The following AGBL4 variants were observed in gnomAD, a reference collection of about 807,000 sequenced individuals.
AGBL4 encodes AGBL carboxypeptidase 4, also known as cytosolic carboxypeptidase 6.
In AGBL4, 58 loss-of-function variants were observed where a neutral mutation model predicts 66.4. The observed-to-expected ratio is 0.87, with a 90% CI of 0.71 to 1.09. The LOEUF (loss-of-function observed/expected upper bound fraction) is 1.09, where lower values mean the gene tolerates loss of function less well. Among genes scored for constraint, AGBL4 ranks in the 50% least tolerant of loss-of-function variants. The probability of loss-of-function intolerance (pLI) is 0.00; values close to 1 mark genes in which losing one functional copy is unlikely to be tolerated. For missense variants in AGBL4, 579 were observed against 631.0 expected (o/e 0.92, Z 0.88); for synonymous variants, 234 against 222.9 (o/e 1.05, Z -0.44).
rs1436744631 is a variant in AGBL4, at chr1:48,847,055, C to G, written c.634+20136G>C. Among the ~76,000 whole-genome samples, 5 of 152,114 alleles carry G rather than the reference C, an allele frequency of 3.3e-5. 1 individual carries two copies. The East Asian group carries it at 9.6e-4, about 29-fold the overall frequency. ...GTGGCTCATGCCTGTAATCCCAGCA[C>G]TTCGGGAGGCCGAGGGGGGTGGATC... On this transcript the variant is annotated intron_variant, in intron 6 of 13. Transcript: ENST00000371839.
At chr1:48,881,598 G>A (rs1649790106) in intron 5 of AGBL4, among the ~76,000 whole-genome samples, 2 of 152,268 alleles carry the variant, frequency 1.3e-5, no homozygotes, top group Middle Eastern at 3.4e-3. Context: ...ATGGATTCTA[G>A]CTAAAGTTGG....
chr1:49,956,145 TTA>T (rs1656588254), intron 1 of AGBL4, among the ~76,000 whole-genome samples: 1 of 151,924 alleles, frequency 6.6e-6, no homozygotes, highest in African/African-American at 2.4e-5. Context: ...TATGTTTATT[TTA>T]TATGTTAAAA....
intron 6 of AGBL4, among the ~76,000 whole-genome samples, chr1:48,810,401 C>T (rs1384544401): frequency 1.3e-5 from 2 of 152,142 alleles, no homozygotes; most frequent in Non-Finnish European, 2.9e-5. Context: ...GATAAGGGAT[C>T]GGGTCCACTT....
intron 1 of AGBL4, among the ~76,000 whole-genome samples, chr1:49,950,950 G>C (rs1388805090): frequency 6.6e-6 from 1 of 151,806 alleles, no homozygotes; most frequent in Non-Finnish European, 1.5e-5. Flanking sequence ...GATGAACCTA[G>C]AGGACATTAT....
At position 49,288,640 on chromosome 1, in the gene AGBL4, T is replaced by C. The variant is rs200228648; in HGVS notation, c.283-42776A>G. ...AGTGGTACCTATGAGGTTAAAATGC[T>C]AAGTGGAGCTTTCAACAGTCTCAAA... On this transcript the variant is annotated intron_variant, in intron 3 of 13. Transcript: ENST00000371839. Among the ~76,000 whole-genome samples the C allele has an allele frequency of 2.0e-5, 3 of 152,304 alleles. No homozygotes were observed. In the East Asian group the frequency reaches 5.8e-4, roughly 29 times the overall value.
At chr1:48,719,767 C>T (rs367938591) in intron 6 of AGBL4, among the ~76,000 whole-genome samples, 17 of 152,314 alleles carry the variant, frequency 1.1e-4, no homozygotes, top group East Asian at 3.9e-4. Context: ...TTAATGCTCA[C>T]AGAAACATGA....
intron 6 of AGBL4, among the ~76,000 whole-genome samples, chr1:48,730,617 A>G (rs1409346137): frequency 6.6e-6 from 1 of 152,182 alleles, no homozygotes; most frequent in Non-Finnish European, 1.5e-5. Flanking sequence ...AGGAGCCCCC[A>G]TAGAATTTCA....
chr1:49,504,306 C>A (rs11583504), intron 3 of AGBL4, among the ~76,000 whole-genome samples: 4 of 151,976 alleles, frequency 2.6e-5, no homozygotes, highest in Middle Eastern at 3.4e-3. Flanking sequence ...AACCTCTTTC[C>A]TTTCTAAATT....
intron 6 of AGBL4, among the ~76,000 whole-genome samples, chr1:48,741,788 A>G (rs1649950726): frequency 6.6e-6 from 1 of 152,212 alleles, no homozygotes; most frequent in Non-Finnish European, 1.5e-5. Flanking sequence ...GTTAAGGAGA[A>G]CGAGAGGCGA....
At chr1:49,817,616 C>T (rs1422597051) in intron 2 of AGBL4, among the ~76,000 whole-genome samples, 1 of 152,106 alleles carries the variant, frequency 6.6e-6, no homozygotes, top group African/African-American at 2.4e-5. Context: ...CTTTTGGATA[C>T]ACAAATCTGA....
At chr1:48,587,728 C>T (rs1053413173) in intron 10 of AGBL4, among the ~76,000 whole-genome samples, 27 of 151,686 alleles carry the variant, frequency 1.8e-4, no homozygotes, top group Non-Finnish European at 3.2e-4. Context: ...CTGCAAGCTC[C>T]GTCTCCCTGG....
intron 3 of AGBL4, among the ~76,000 whole-genome samples, chr1:49,249,967 C>A (rs1296490072): frequency 6.6e-6 from 1 of 152,088 alleles, no homozygotes; most frequent in Admixed American, 6.6e-5. Flanking sequence ...TGAAACAATC[C>A]AGGCATAGAA....
chr1:49,827,640 A>G (rs950351540), intron 2 of AGBL4, among the ~76,000 whole-genome samples: 6 of 152,196 alleles, frequency 3.9e-5, no homozygotes, highest in African/African-American at 1.4e-4. Flanking sequence ...GTACATTGCT[A>G]CCAATTAAGT....
intron 3 of AGBL4, among the ~76,000 whole-genome samples, chr1:49,465,959 G>C (rs1646621196): frequency 6.6e-6 from 1 of 151,804 alleles, no homozygotes; most frequent in Non-Finnish European, 1.5e-5. Flanking sequence ...AAAGAGTCTT[G>C]AGATGATTCC....
chr1:48,930,052 G>C (rs1435192207), intron 5 of AGBL4, among the ~76,000 whole-genome samples: 2 of 151,988 alleles, frequency 1.3e-5, no homozygotes, highest in East Asian at 3.9e-4. Context: ...GTTTTTCTAG[G>C]CCTAGATCTC....
At chr1:48,756,298 C>T (rs566698274) in intron 6 of AGBL4, among the ~76,000 whole-genome samples, 4 of 152,292 alleles carry the variant, frequency 2.6e-5, no homozygotes, top group Non-Finnish European at 5.9e-5. Context: ...TCTCTGACCC[C>T]TCAAAATCTG....
chr1:48,550,388 A>C (rs568367293), intron 11 of AGBL4, among the ~76,000 whole-genome samples: 2 of 152,046 alleles, frequency 1.3e-5, no homozygotes, highest in Admixed American at 6.5e-5. Flanking sequence ...TTGTGATCAT[A>C]TCATTCCCAT....
chr1:49,105,095 T>C (rs1645268598), intron 4 of AGBL4, among the ~76,000 whole-genome samples: 1 of 152,176 alleles, frequency 6.6e-6, no homozygotes, highest in Admixed American at 6.5e-5. Flanking sequence ...ATTATGCATT[T>C]ATTTATTTAT....
At chr1:49,510,881 A>T (rs1649172593) in intron 3 of AGBL4, among the ~76,000 whole-genome samples, 1 of 149,316 alleles carries the variant, frequency 6.7e-6, no homozygotes, top group African/African-American at 2.5e-5. Context: ...TTTGTCAAAG[A>T]TCAGATAGTT....
Sources: allele counts gnomAD v4.1 joint callset (sites outside exome capture counted in the v4.1 genomes callset), GRCh38; gene constraint gnomAD v4.1.1; transcripts MANE v1.5; gene names NCBI Gene and HGNC (gene_info 2026-07-23, HGNC 2026-07-21).